DCC: variants seen among roughly 807,000 people sequenced by gnomAD.
DCC encodes netrin receptor DCC.
DCC carries 58 observed loss-of-function variants against 172.5 expected under a neutral mutation model. That is an observed-to-expected ratio of 0.34 (90% CI 0.27 to 0.42). The LOEUF (loss-of-function observed/expected upper bound fraction) is 0.42. Among genes scored for constraint, DCC ranks in the 10% least tolerant of loss-of-function variants. The pLI is 1.00. For missense variants in DCC, 1,740 were observed against 1,791.0 expected, an observed-to-expected ratio of 0.97 and a Z score of 0.51; for synonymous variants, 709 against 644.5, an observed-to-expected ratio of 1.10 and a Z score of -1.52.
intron 1 of DCC, among the ~76,000 whole-genome samples, chr18:52,368,723 C>G (rs1984985290): frequency 6.6e-6 from 1 of 152,138 alleles, no homozygotes; most frequent in Non-Finnish European, 1.5e-5. Context: ...TCTTCATTGT[C>G]TGGAAGGCAG....
intron 12 of DCC, among the ~76,000 whole-genome samples, chr18:53,261,846 C>A (rs999329417): frequency 6.6e-6 from 1 of 152,058 alleles, no homozygotes; most frequent in Non-Finnish European, 1.5e-5. Context: ...GTATCACCCC[C>A]AATTAGTACT....
rs1555707992 is a variant in DCC, at chr18:52,642,085, C to CACACACAT, written c.92-109962_92-109961insTACACACA. Among the ~76,000 whole-genome samples, 639 of 124,600 alleles carry CACACACAT rather than the reference C, an allele frequency of 5.1e-3. 19 individuals are homozygous for CACACACAT. Among genetic ancestry groups the CACACACAT allele is most frequent in the East Asian group, 9.9e-3 (38 of 3,820 alleles). The allele number at this position is 124,600 out of a possible 152,430, so 81.7% of individuals were successfully genotyped here. ...GTGTATATATATATATATATACACACACACACACACACTCACACACACATA... is the reference window on the plus strand; with the variant it reads ...GTGTATATATATATATATATACACACACACACATACACACACACACTCACACACACATA... On this transcript the variant is annotated intron_variant, in intron 1 of 28. Transcript: ENST00000442544.
chr18:52,425,944 G>A (rs531308337), intron 1 of DCC, among the ~76,000 whole-genome samples: 2 of 152,178 alleles, frequency 1.3e-5, no homozygotes, highest in South Asian at 2.1e-4. Context: ...TGTCATCTTT[G>A]TGGTTTTCTA....
At chr18:52,832,646 C>G (rs545226474) in intron 2 of DCC, among the ~76,000 whole-genome samples, 1 of 152,254 alleles carries the variant, frequency 6.6e-6, no homozygotes, top group South Asian at 2.1e-4. Context: ...AAGTAGCAAA[C>G]AGACATGAGA....
chr18:52,739,275 AT>A (rs1175602149), intron 1 of DCC, among the ~76,000 whole-genome samples: 4 of 152,050 alleles, frequency 2.6e-5, no homozygotes, highest in South Asian at 2.1e-4. Flanking sequence ...AATTAGGTCC[AT>A]TTTTTTTAAA....
chr18:53,321,789 C>G (rs949052012), intron 13 of DCC, among the ~76,000 whole-genome samples: 1 of 152,062 alleles, frequency 6.6e-6, no homozygotes, highest in African/African-American at 2.4e-5. Flanking sequence ...ATTTTATATT[C>G]TGCATCTGCC....
Position 53,339,951 on chromosome 18 carries a change from G to A in DCC, c.2359+44G>A, listed in dbSNP as rs758350624. 24 of 1,526,128 alleles carry A rather than the reference G, an allele frequency of 1.6e-5. No individual in the cohort carries two copies. The Admixed American group carries it at 3.8e-4, about 24-fold the overall frequency. 94.5% of individuals were successfully genotyped at this position (1,526,128 alleles called of 1,614,324 possible). A position where few individuals can be genotyped will look rare whatever the true frequency, so the allele number is the denominator to read the frequency against. ...TTTTATTCTATTAAGGGGAATTAAT[G>A]ATTTATTTTGAATTATTGTATTTCT... On this transcript the variant is annotated intron_variant, in intron 15 of 28. Coordinates refer to ENST00000442544, the MANE Select transcript of DCC (RefSeq NM_005215.4).
chr18:53,220,013 C>G (rs937379861), intron 12 of DCC, among the ~76,000 whole-genome samples: 2 of 152,098 alleles, frequency 1.3e-5, no homozygotes, highest in African/African-American at 4.8e-5. Flanking sequence ...TCTCTATACC[C>G]TGTCATTGGG....
chr18:52,477,043 C>A (rs1256399164), intron 1 of DCC, among the ~76,000 whole-genome samples: 1 of 152,108 alleles, frequency 6.6e-6, no homozygotes, highest in Non-Finnish European at 1.5e-5. Context: ...AAACCAGAAC[C>A]AGGCATTTGT....
rs913055338 is a variant in DCC at position 53,441,869 on chromosome 18, A to T, written c.3229+6660A>T. 2.0e-5 allele frequency among the ~76,000 whole-genome samples: 3 copies of T among 152,294 alleles called. No homozygotes were observed. The East Asian group carries it at 5.8e-4, about 29-fold the overall frequency. ...TAGAGGGTCTGTGATTGCATTTAAG[A>T]TAACTGAATGTAATCTACAGACTCA... On this transcript the variant is annotated intron_variant, in intron 22 of 28. Coordinates refer to ENST00000442544, the MANE Select transcript of DCC (RefSeq NM_005215.4).
Position 52,497,295 on chromosome 18 carries a change from A to ATGTG in DCC, c.91+156418_91+156419insGTGT, listed in dbSNP as rs1475639706. On this transcript the variant is annotated intron_variant, in intron 1 of 28. Coordinates refer to ENST00000442544, the MANE Select transcript of DCC (RefSeq NM_005215.4). ...AAAAAAAAAAAATATATATATATAT[A>ATGTG]TATATATATATATATATATACACAC... 1.9e-3 allele frequency among the ~76,000 whole-genome samples: 106 copies of ATGTG among 54,966 alleles called. 16 individuals carry two copies. The highest frequency in any genetic ancestry group is 7.0e-3 in the African/African-American group (100 of 14,272). 36.1% of individuals were successfully genotyped at this position (54,966 alleles called of 152,430 possible).
At chr18:53,365,520 G>A (rs2057996412) in intron 15 of DCC, among the ~76,000 whole-genome samples, 1 of 151,706 alleles carries the variant, frequency 6.6e-6, no homozygotes, top group South Asian at 2.1e-4. Flanking sequence ...CCCATAGATG[G>A]GAGCCCAGTT....
At chr18:52,788,582 T>C (rs9941419) in intron 2 of DCC, among the ~76,000 whole-genome samples, 6,569 of 152,322 alleles carry the variant, frequency 0.043, 222 homozygotes, top group South Asian at 0.16. Context: ...AGCTAAAAAA[T>C]ATTTTAAGTG....
At position 53,486,777 on chromosome 18, in the gene DCC, T is replaced by C. The variant is rs781557680; in HGVS notation, c.3737-20T>C. 5 of 1,614,028 alleles carry C rather than the reference T, an allele frequency of 3.1e-6. No individual in the cohort carries two copies. The Admixed American group carries it at 8.3e-5, about 27-fold the overall frequency. ...GAATACATAAGGTTCAAAAAACCCA[T>C]TAACCTTTTTCTTTTGCAGCTGTCG... On this transcript the variant is annotated intron_variant, in intron 25 of 28. Transcript: ENST00000442544.
intron 1 of DCC, among the ~76,000 whole-genome samples, chr18:52,496,191 T>G (rs77553279): frequency 6.6e-6 from 1 of 152,236 alleles, no homozygotes; most frequent in African/African-American, 2.4e-5. Flanking sequence ...CCCTGCCCTT[T>G]TAACTACAGA....
At chr18:53,398,993 C>T (rs558906636) in intron 18 of DCC, among the ~76,000 whole-genome samples, 69 of 152,022 alleles carry the variant, frequency 4.5e-4, no homozygotes, top group Admixed American at 7.2e-4. Flanking sequence ...AGATAAAGAC[C>T]ATATGGGGCT....
At chr18:52,723,066 G>T (rs530877925) in intron 1 of DCC, among the ~76,000 whole-genome samples, 3 of 152,182 alleles carry the variant, frequency 2.0e-5, no homozygotes, top group Non-Finnish European at 4.4e-5. Context: ...TTTTGACAAA[G>T]TCTGATGAAT....
intron 1 of DCC, among the ~76,000 whole-genome samples, chr18:52,394,500 C>T (rs1986145992): frequency 6.6e-6 from 1 of 151,328 alleles, no homozygotes; most frequent in Non-Finnish European, 1.5e-5. Context: ...TGGTTTCCAA[C>T]TCCTGGTCTC....
intron 5 of DCC, among the ~76,000 whole-genome samples, chr18:52,980,263 A>G (rs904758528): frequency 2.6e-5 from 4 of 152,138 alleles, no homozygotes; most frequent in Admixed American, 2.6e-4. Context: ...TGGTCTGTGC[A>G]ATGCATTGAA....
Sources: allele counts gnomAD v4.1 joint callset (sites outside exome capture counted in the v4.1 genomes callset), GRCh38; gene constraint gnomAD v4.1.1; transcripts MANE v1.5; gene names NCBI Gene and HGNC (gene_info 2026-07-23, HGNC 2026-07-21).